The following TMEM132D variants were observed in gnomAD, a reference collection of about 807,000 sequenced individuals.
TMEM132D encodes the protein transmembrane protein 132D, also known as mature OL transmembrane protein.
TMEM132D carries 21 observed loss-of-function variants against 62.3 expected under a neutral mutation model. The ratio of observed to expected loss-of-function variants is 0.34; its 90% CI spans 0.24 to 0.49. The LOEUF is 0.49. Ranked by LOEUF, TMEM132D falls within the 20% of genes least tolerant of loss-of-function variation. The pLI is 0.99. For missense variants in TMEM132D, 1,346 were observed against 1,402.8 expected (o/e 0.96, Z 0.65); for synonymous variants, 621 against 575.6 (o/e 1.08, Z -1.13).
At chr12:129,802,445 A>C (rs1365296667) in intron 1 of TMEM132D, among the ~76,000 whole-genome samples, 4 of 100,232 alleles carry the variant, frequency 4.0e-5, no homozygotes, top group East Asian at 5.3e-4. Context: ...ACTAAGCTTC[A>C]TAAGTGAAGG....
chr12:129,184,908 G>A (rs1487224096), intron 5 of TMEM132D, among the ~76,000 whole-genome samples: 1 of 152,100 alleles, frequency 6.6e-6, no homozygotes, highest in Non-Finnish European at 1.5e-5. Context: ...CAGGCTCTGG[G>A]CTCAAGAATC....
intron 2 of TMEM132D, among the ~76,000 whole-genome samples, chr12:129,623,770 TAC>T (rs1023986676): frequency 2.1e-4 from 32 of 149,920 alleles, no homozygotes; most frequent in Non-Finnish European, 8.9e-5. Context: ...CACATATATA[TAC>T]ACATATATAT....
At chr12:129,646,399 G>A (rs775288059) in intron 2 of TMEM132D, among the ~76,000 whole-genome samples, 18 of 152,058 alleles carry the variant, frequency 1.2e-4, no homozygotes, top group Admixed American at 4.6e-4. Flanking sequence ...TCTGCTACTC[G>A]GCCATGACTC....
intron 4 of TMEM132D, among the ~76,000 whole-genome samples, chr12:129,230,728 G>A (rs1011379610): frequency 6.6e-6 from 1 of 152,210 alleles, no homozygotes; most frequent in Admixed American, 6.5e-5. Flanking sequence ...CCTAGCTGAT[G>A]TCTCCACTGG....
intron 4 of TMEM132D, among the ~76,000 whole-genome samples, chr12:129,316,676 A>G (rs1177693053): frequency 3.3e-5 from 5 of 152,152 alleles, no homozygotes; most frequent in East Asian, 1.9e-4. Flanking sequence ...GTTCCAAGGT[A>G]TAGTTTAAAT....
At chr12:129,148,964 G>C (rs1876995205) in intron 5 of TMEM132D, among the ~76,000 whole-genome samples, 2 of 152,084 alleles carry the variant, frequency 1.3e-5, no homozygotes, top group Non-Finnish European at 2.9e-5. Context: ...CTCCAGCGTG[G>C]GTCTCCTCAG....
At chr12:129,658,224 T>C (rs772948492) in intron 2 of TMEM132D, among the ~76,000 whole-genome samples, 2 of 152,162 alleles carry the variant, frequency 1.3e-5, no homozygotes, top group Non-Finnish European at 2.9e-5. Context: ...AAACCCCTGG[T>C]TGGTTAGAAA....
intron 4 of TMEM132D, among the ~76,000 whole-genome samples, chr12:129,290,636 C>A (rs113575402): frequency 6.6e-6 from 1 of 152,148 alleles, no homozygotes; most frequent in Non-Finnish European, 1.5e-5. Context: ...GAAGAATATA[C>A]AGTTTGAAAC....
At chr12:129,469,878 G>A (rs1472339914) in intron 3 of TMEM132D, among the ~76,000 whole-genome samples, 1 of 152,194 alleles carries the variant, frequency 6.6e-6, no homozygotes, top group Non-Finnish European at 1.5e-5. Context: ...GTCTCTGTTG[G>A]ATGCAAAGTT....
At chr12:129,713,333 A>G (rs1868448526) in intron 1 of TMEM132D, among the ~76,000 whole-genome samples, 1 of 152,126 alleles carries the variant, frequency 6.6e-6, no homozygotes, top group African/African-American at 2.4e-5. Flanking sequence ...ATATATAAAA[A>G]TCCATTTGCA....
At chr12:129,829,170 T>C (rs1328161002) in intron 1 of TMEM132D, among the ~76,000 whole-genome samples, 1 of 151,942 alleles carries the variant, frequency 6.6e-6, no homozygotes, top group Non-Finnish European at 1.5e-5. Context: ...GTTATTCCTA[T>C]AACAAACCAG....
At chr12:129,665,850 C>T (rs1254168166) in intron 2 of TMEM132D, among the ~76,000 whole-genome samples, 1 of 151,958 alleles carries the variant, frequency 6.6e-6, no homozygotes, top group Non-Finnish European at 1.5e-5. Flanking sequence ...TCTGTTTTAG[C>T]TATTTTGAAA....
chr12:129,498,033 T>G (rs754478731), intron 3 of TMEM132D, among the ~76,000 whole-genome samples: 1 of 152,138 alleles, frequency 6.6e-6, no homozygotes, highest in African/African-American at 2.4e-5. Flanking sequence ...TTTTCTCCTT[T>G]GAGCAGTGAA....
chr12:129,790,367 A>G (rs75036409), intron 1 of TMEM132D, among the ~76,000 whole-genome samples: 259 of 152,292 alleles, frequency 1.7e-3, no homozygotes, highest in Admixed American at 4.1e-3. Context: ...GGTGACATGA[A>G]CAAATTGGAG....
intron 4 of TMEM132D, among the ~76,000 whole-genome samples, chr12:129,317,691 C>G (rs1467715666): frequency 6.6e-6 from 1 of 152,196 alleles, no homozygotes; most frequent in Non-Finnish European, 1.5e-5. Flanking sequence ...GTCTAGCTCT[C>G]TAGCAAGGCC....
Position 129,514,463 on chromosome 12 carries a change from G to A in TMEM132D, c.1115+16596C>T, listed in dbSNP as rs1226644264. On this transcript the variant is annotated intron_variant, in intron 3 of 8. Coordinates refer to ENST00000422113, the MANE Select transcript of TMEM132D (RefSeq NM_133448.3). ...AAATTATGGTCTGAGTTTTGACATT[G>A]AAGGGCTAGATTTTTATGTTGCGTG... Among the ~76,000 whole-genome samples, 4 of 152,164 alleles carry A rather than the reference G, an allele frequency of 2.6e-5. No homozygotes were observed. The East Asian group carries it at 7.7e-4, about 29-fold the overall frequency.
chr12:129,427,506 T>C (rs1593003864), intron 3 of TMEM132D, among the ~76,000 whole-genome samples: 1 of 152,040 alleles, frequency 6.6e-6, no homozygotes. Flanking sequence ...TGTATACATA[T>C]GTAACTAACC....
intron 7 of TMEM132D, 119 bp downstream of exon 7, chr12:129,081,640 C>T (rs539862874): frequency 1.4e-6 from 2 of 1,384,480 alleles, no homozygotes; most frequent in East Asian, 2.4e-5. Flanking sequence ...TTTGAATTTA[C>T]CCATCCTAAA....
rs147152437 is a variant in TMEM132D at position 129,659,904 on chromosome 12, T to A, written c.968+39906A>T. ...TCCAGACCGAGGAATTTTATATAAGTGCACCTGAGAGTTATGGGTAAAGTG... is the reference window on the plus strand; with the variant it reads ...TCCAGACCGAGGAATTTTATATAAGAGCACCTGAGAGTTATGGGTAAAGTG... On this transcript the variant is annotated intron_variant, in intron 2 of 8. Coordinates refer to ENST00000422113, the MANE Select transcript of TMEM132D (RefSeq NM_133448.3). 8.7e-4 allele frequency among the ~76,000 whole-genome samples: 132 copies of A among 152,290 alleles called. 1 individual carries two copies. In the East Asian group the frequency reaches 0.022, roughly 26 times the overall value.
Sources: allele counts gnomAD v4.1 joint callset (sites outside exome capture counted in the v4.1 genomes callset), GRCh38; gene constraint gnomAD v4.1.1; transcripts MANE v1.5; gene names NCBI Gene and HGNC (gene_info 2026-07-23, HGNC 2026-07-21).